Variants in COL7A1 observed in about 807,000 individuals in gnomAD.
COL7A1 encodes collagen alpha-1(VII) chain.
In COL7A1, 296 loss-of-function variants were observed where a neutral mutation model predicts 456.2. The observed-to-expected ratio is 0.65, with a 90% CI of 0.59 to 0.71. The LOEUF (loss-of-function observed/expected upper bound fraction) is 0.71, where lower values mean the gene tolerates loss of function less well. Ranked by LOEUF, COL7A1 falls within the 30% of genes least tolerant of loss-of-function variation. COL7A1 has a pLI of 0.00. For missense variants in COL7A1, 3,441 were observed against 4,017.2 expected (o/e 0.86, Z 3.88); for synonymous variants, 1,464 against 1,525.9 (o/e 0.96, Z 0.95).
chr3:48,575,848 C>T lies in COL7A1; in HGVS notation c.5856+19G>A. The T allele has an allele frequency of 1.2e-6, 2 of 1,614,144 alleles. No homozygotes were observed. The highest frequency in any genetic ancestry group is 8.5e-7 in the Non-Finnish European group (1 of 1,180,024). Reference sequence around the variant, plus strand: ...AAGGGCCCCCACTTGTCCCTACCCCCAGCCCCTAAACAACCCACCTTGATG... The same window carrying T: ...AAGGGCCCCCACTTGTCCCTACCCCTAGCCCCTAAACAACCCACCTTGATG... On this transcript the variant is annotated intron_variant, in intron 72 of 118. Coordinates refer to ENST00000681320, the MANE Select transcript of COL7A1 (RefSeq NM_000094.4). This position sits in a 1 kb window ranked among gnomAD's most constrained non-coding sequence, Gnocchi z 6.3.
rs786204774 is a variant in COL7A1, at chr3:48,569,724, C to A, written c.7557+1G>T. The A allele has an allele frequency of 1.9e-6, 3 of 1,614,172 alleles. No homozygotes were observed. Among genetic ancestry groups the A allele is most frequent in the Non-Finnish European group, 1.7e-6 (2 of 1,180,010 alleles). Reference sequence around the variant, plus strand: ...CCTGCCCTCCCCATGCCCACACTCACCTTGTCACCCTTTAGTCCTGCACTC... The same window carrying A: ...CCTGCCCTCCCCATGCCCACACTCAACTTGTCACCCTTTAGTCCTGCACTC... On this transcript the variant is annotated splice_donor_variant, in intron 101 of 118. Coordinates refer to ENST00000681320, the MANE Select transcript of COL7A1 (RefSeq NM_000094.4). LOFTEE classifies it high-confidence loss of function. This position sits in a 1 kb window ranked among gnomAD's most constrained non-coding sequence, Gnocchi z 4.9.
chr3:48,579,890 G>A lies in COL7A1; in HGVS notation c.5125-76C>T. 1 of 1,610,300 alleles carries A rather than the reference G, an allele frequency of 6.2e-7. No individual in the cohort carries two copies. Among genetic ancestry groups the A allele is most frequent in the Non-Finnish European group, 8.5e-7 (1 of 1,176,728 alleles). ...GTTGGCGAGGGGATACAGGGTCTGT[G>A]AGGGGCTCCAGGGATCCGCGGAGGT... is the stretch of plus-strand genomic sequence containing the variant. On this transcript the variant is annotated intron_variant, in intron 57 of 118. Transcript: ENST00000681320. This position sits in a 1 kb window ranked among gnomAD's most constrained non-coding sequence, Gnocchi z 4.4.
chr3:48,576,914 C>T lies in COL7A1; in HGVS notation c.5574G>A (p.Glu1858=), dbSNP rs2044350122. ...TCCCAGAGGCGCCTGAATCTCCTTT[C>T]TCTCCCTAAGGAAGACAAGGATGCT... The part of the protein sequence containing the change: ...GDPGEDGRKG[E]KGDSGASGRE... The change falls in exon 67 of 119, where the codon GAG becomes GAA. Residue 1858 remains glutamate (E), a synonymous_variant. Transcript: ENST00000681320. The T allele has an allele frequency of 1.2e-6, 2 of 1,613,952 alleles. No homozygotes were observed. The highest frequency in any genetic ancestry group is 2.2e-5 in the South Asian group (2 of 91,090).
At position 48,579,565 on chromosome 3, in the gene COL7A1, C is replaced by A. The variant is rs756819881; in HGVS notation, c.5235+23G>T. On this transcript the variant is annotated intron_variant, in intron 59 of 118. Coordinates refer to ENST00000681320, the MANE Select transcript of COL7A1 (RefSeq NM_000094.4). The surrounding 1 kb of genome is among the most constrained non-coding windows in gnomAD (Gnocchi z 4.4). The stretch of plus-strand genomic sequence containing the variant: ...AGAGCAGGCCCTCCCATGCCTGCAC[C>A]CCCGAGGACCAATCACACTCACCCT... The A allele has an allele frequency of 3.1e-6, 5 of 1,613,734 alleles. No homozygotes were observed. In the Admixed American group the frequency reaches 6.7e-5, roughly 22 times the overall value.
Position 48,588,886 on chromosome 3 carries a change from G to A in COL7A1, c.2424C>T (p.Ala808=). 1.2e-6 allele frequency: 2 copies of A among 1,613,700 alleles called. No individual in the cohort carries two copies. Among genetic ancestry groups the A allele is most frequent in the Non-Finnish European group, 1.7e-6 (2 of 1,180,038 alleles). ...GVTGATAYRL[A]WGRSEGGPMR... ...GAGCCATACCTTCACTCCGGCCCCA[G>A]GCCAGTCTGTAAGCTGTGGCTCCAG... Residue 808 remains alanine (A), a synonymous_variant, in exon 19 of 119, where the codon GCC becomes GCT. Transcript: ENST00000681320. The surrounding 1 kb of genome is among the most constrained non-coding windows in gnomAD (Gnocchi z 4.6).
Position 48,566,128 on chromosome 3 carries a change from C to A in COL7A1, c.8407+139G>T. The A allele has an allele frequency of 1.1e-6, 1 of 911,646 alleles. No individual in the cohort carries two copies. The highest frequency in any genetic ancestry group is 1.7e-6 in the Non-Finnish European group (1 of 574,200). 56.5% of individuals were successfully genotyped at this position (911,646 alleles called of 1,614,324 possible). On this transcript the variant is annotated intron_variant, in intron 114 of 118. Transcript: ENST00000681320. This position sits in a 1 kb window ranked among gnomAD's most constrained non-coding sequence, Gnocchi z 5.9. ...TGGGGACACATGTCATGTGTCAGTC[C>A]TGCAGCACATGTGTCCTTCTGTGTA...
At position 48,584,742 on chromosome 3, in the gene COL7A1, C is replaced by T. The variant is rs121912833; in HGVS notation, c.4039G>A (p.Gly1347Arg). 1 of 1,613,896 alleles carries T rather than the reference C, an allele frequency of 6.2e-7. No homozygotes were observed. Among genetic ancestry groups the T allele is most frequent in the African/African-American group, 1.3e-5 (1 of 74,918 alleles). The change falls in exon 35 of 119, where the codon GGG becomes AGG. Residue 1347 changes from glycine (G) to arginine (R), a missense_variant. This residue lies in a region of COL7A1 where 2,084 missense variants were observed against 2,501.3 expected (regional missense o/e 0.83). Coordinates refer to ENST00000681320, the MANE Select transcript of COL7A1 (RefSeq NM_000094.4). The part of the protein sequence containing the change: ...PGERGPRGPK[G>R]EPGAPGQVIG... The stretch of plus-strand genomic sequence containing the variant: ...CTTCCCCCTTCACCTACCGGCTCCC[C>T]CTTTGGGCCTCGAGGTCCTCGCTCT...
chr3:48,575,926 G>C lies in COL7A1; in HGVS notation c.5821-24C>G. The C allele has an allele frequency of 6.2e-7, 1 of 1,614,122 alleles. No individual in the cohort carries two copies. The highest frequency in any genetic ancestry group is 8.5e-7 in the Non-Finnish European group (1 of 1,180,016). ...TTCTGGGGACAAAGTCTGGGTGAAG[G>C]GCTGCCCATGACAGAGAAGCTCCTG... On this transcript the variant is annotated intron_variant, in intron 71 of 118. Coordinates refer to ENST00000681320, the MANE Select transcript of COL7A1 (RefSeq NM_000094.4). The surrounding 1 kb of genome is among the most constrained non-coding windows in gnomAD (Gnocchi z 6.3).
At position 48,594,386 on chromosome 3, in the gene COL7A1, T is replaced by C; in HGVS notation, c.248A>G (p.Gln83Arg). 6.2e-7 allele frequency: 1 copy of C among 1,611,128 alleles called. No homozygotes were observed. Among genetic ancestry groups the C allele is most frequent in the African/African-American group, 1.3e-5 (1 of 74,994 alleles). ...SAQGVRFATV[Q>R]YSDDPRTEFG... ...TACTCACCGTGGGTCATCGCTGTAC[T>C]GCACTGTGGCAAAGCGCACACCCTG... is the stretch of plus-strand genomic sequence containing the variant. The change falls in exon 3 of 119, where the codon CAG (glutamine) becomes CGG (arginine). Residue 83 changes from glutamine (Q) to arginine (R), a missense_variant. Coordinates refer to ENST00000681320, the MANE Select transcript of COL7A1 (RefSeq NM_000094.4). This position sits in a 1 kb window ranked among gnomAD's most constrained non-coding sequence, Gnocchi z 5.5.
In COL7A1 at chr3:48,585,186, C is replaced by T. The variant is rs74773596; in HGVS notation, c.3895-70G>A. ...GGCCCCTGGTTTGCTGGAGGGGCCT[C>T]ACCCCATCAACAAGGGGTCGCCTAC... On this transcript the variant is annotated intron_variant, in intron 32 of 118. Transcript: ENST00000681320. The surrounding 1 kb of genome is among the most constrained non-coding windows in gnomAD (Gnocchi z 4.5). 6.3e-5 allele frequency: 94 copies of T among 1,496,308 alleles called. No individual in the cohort carries two copies. In the East Asian group the frequency reaches 2.2e-3, roughly 34 times the overall value. The allele number at this position is 1,496,308 out of a possible 1,614,324, so 92.7% of individuals were successfully genotyped here. A position where few individuals can be genotyped will look rare whatever the true frequency, so the allele number is the denominator to read the frequency against.
rs1575416029 is a variant in COL7A1, at chr3:48,565,787, G to A, written c.8408-119C>T. ...ATACACAAAGAGATAGCAGGAGAGG[G>A]TAACAGGAGAGAGAGGAAGAGAGAG... On this transcript the variant is annotated intron_variant, in intron 114 of 118. Coordinates refer to ENST00000681320, the MANE Select transcript of COL7A1 (RefSeq NM_000094.4). The surrounding 1 kb of genome is among the most constrained non-coding windows in gnomAD (Gnocchi z 4.5). The A allele has an allele frequency of 3.1e-6, 3 of 955,084 alleles. No individual in the cohort carries two copies. The South Asian group carries it at 4.2e-5, about 13-fold the overall frequency. 59.2% of individuals were successfully genotyped at this position (955,084 alleles called of 1,614,324 possible). A position where few individuals can be genotyped will look rare whatever the true frequency, so the allele number is the denominator to read the frequency against.
chr3:48,591,494 G>A lies in COL7A1; in HGVS notation c.1606C>T (p.Gln536Ter), dbSNP rs1262051629. Residue 536 changes from glutamine (Q) to a stop codon, truncating the protein, a stop_gained, in exon 13 of 119, where the codon CAG becomes TAG. Transcript: ENST00000681320. LOFTEE classifies it high-confidence loss of function. The surrounding 1 kb of genome is among the most constrained non-coding windows in gnomAD (Gnocchi z 7.0). ...GTGCTGCGCACAATGATGCGGTACTGGGTGGCACCAGGGACTGGGCTCCAG... is the reference window on the plus strand; with the variant it reads ...GTGCTGCGCACAATGATGCGGTACTAGGTGGCACCAGGGACTGGGCTCCAG... Reference protein sequence around the residue: ...VSWSPVPGATQYRIIVRSTQG... With the variant: ...VSWSPVPGAT 6.2e-7 allele frequency: 1 copy of A among 1,614,016 alleles called. No individual in the cohort carries two copies. Among genetic ancestry groups the A allele is most frequent in the Admixed American group, 1.7e-5 (1 of 60,020 alleles).
In COL7A1 at chr3:48,566,507, C is replaced by T. The variant is rs1485134341; in HGVS notation, c.8358+3G>A. 2.5e-6 allele frequency: 4 copies of T among 1,613,832 alleles called. No homozygotes were observed. The highest frequency in any genetic ancestry group is 3.3e-5 in the Admixed American group (2 of 60,020). On this transcript the variant is annotated splice_donor_region_variant and intron_variant, in intron 113 of 118. Coordinates refer to ENST00000681320, the MANE Select transcript of COL7A1 (RefSeq NM_000094.4). This position sits in a 1 kb window ranked among gnomAD's most constrained non-coding sequence, Gnocchi z 5.9. ...TCCCAGGCCCATCCAGGCCCACACT[C>T]ACCGTCAGTGCAGCTTCTCCCTTCT...
rs780472824 is a variant in COL7A1 at position 48,572,518 on chromosome 3, T to C, written c.6921A>G (p.Gly2307=). The change falls in exon 89 of 119, where the codon GGA becomes GGG. Residue 2307 remains glycine, a synonymous_variant. Transcript: ENST00000681320. The surrounding 1 kb of genome is among the most constrained non-coding windows in gnomAD (Gnocchi z 4.6). ...ACACACTCACCTTCTCTCCCTTTGC[T>C]CCAGGGAGCCCGACCACAGCCTGTG... The part of the protein sequence containing the change: ...APGQAVVGLP[G]AKGEKGAPGG... The C allele has an allele frequency of 6.2e-7, 1 of 1,613,134 alleles. No homozygotes were observed. Among genetic ancestry groups the C allele is most frequent in the Non-Finnish European group, 8.5e-7 (1 of 1,179,784 alleles).
In COL7A1 at chr3:48,580,194, C is replaced by G; in HGVS notation, c.5097+106G>C. 2 of 1,540,892 alleles carry G rather than the reference C, an allele frequency of 1.3e-6. No individual in the cohort carries two copies. Among genetic ancestry groups the G allele is most frequent in the African/African-American group, 1.4e-5 (1 of 73,228 alleles). On this transcript the variant is annotated intron_variant, in intron 56 of 118. Coordinates refer to ENST00000681320, the MANE Select transcript of COL7A1 (RefSeq NM_000094.4). This position sits in a 1 kb window ranked among gnomAD's most constrained non-coding sequence, Gnocchi z 4.5. ...GCCCCCAGCAGGCATGGGTGGCCAT[C>G]CATGCTTCCCACCTGGACCTCCAGA...
rs1435271519 is a variant in COL7A1 at position 48,578,934 on chromosome 3, C to T, written c.5409G>A (p.Gly1803=). Residue 1803 remains glycine (G), a synonymous_variant, in exon 63 of 119, where the codon GGG becomes GGA. Transcript: ENST00000681320. The surrounding 1 kb of genome is among the most constrained non-coding windows in gnomAD (Gnocchi z 4.7). The stretch of plus-strand genomic sequence containing the variant: ...CCTCACTTACGTCTCTCCCTGGGTC[C>T]CCAGCTTTGCCTGCAGCACCCTGAG... ...SGPNGAAGKA[G]DPGRDGLPGL... 3 of 1,614,010 alleles carry T rather than the reference C, an allele frequency of 1.9e-6. No homozygotes were observed. Among genetic ancestry groups the T allele is most frequent in the Non-Finnish European group, 2.5e-6 (3 of 1,179,976 alleles).
intron 44 of COL7A1, 53 bp from the exon 45 acceptor site, chr3:48,582,706 G>T: frequency 2.5e-6 from 4 of 1,592,134 alleles, no homozygotes; most frequent in Non-Finnish European, 3.4e-6. Flanking sequence ...GGGGGATATG[G>T]ACAGACAGGG....
rs372533402 is a variant in COL7A1, at chr3:48,572,995, C to A, written c.6750+26G>T. ...GCCTGTCGACCCTTGACCCCTGGAGCCCAACCCTTGACCCCCAGAACTCAC... is the reference window on the plus strand; with the variant it reads ...GCCTGTCGACCCTTGACCCCTGGAGACCAACCCTTGACCCCCAGAACTCAC... On this transcript the variant is annotated intron_variant, in intron 86 of 118. Coordinates refer to ENST00000681320, the MANE Select transcript of COL7A1 (RefSeq NM_000094.4). The surrounding 1 kb of genome is among the most constrained non-coding windows in gnomAD (Gnocchi z 4.6). 29 of 1,613,928 alleles carry A rather than the reference C, an allele frequency of 1.8e-5. No individual in the cohort carries two copies. Among genetic ancestry groups the A allele is most frequent in the African/African-American group, 2.7e-5 (2 of 74,918 alleles).
Position 48,571,108 on chromosome 3 carries a change from C to T in COL7A1, c.7157G>A (p.Gly2386Asp). The T allele has an allele frequency of 6.2e-7, 1 of 1,613,994 alleles. No homozygotes were observed. The highest frequency in any genetic ancestry group is 8.5e-7 in the Non-Finnish European group (1 of 1,179,986). ...PGSPGPPGPP[G>D]VKGDLGLPGL... ...GATGGGGCATTGACTTACCTTCACACCTGGAGGGCCAGGAGGCCCAGGGGA... is the reference window on the plus strand; with the variant it reads ...GATGGGGCATTGACTTACCTTCACATCTGGAGGGCCAGGAGGCCCAGGGGA... Residue 2386 changes from glycine (G) to aspartate (D), a missense_variant, in exon 94 of 119, where the codon GGT (glycine) becomes GAT (aspartate). By Grantham distance (94) the Gly-to-Asp change is moderately conservative (BLOSUM62 -1). Coordinates refer to ENST00000681320, the MANE Select transcript of COL7A1 (RefSeq NM_000094.4). This position sits in a 1 kb window ranked among gnomAD's most constrained non-coding sequence, Gnocchi z 4.6.
Sources: gnomAD v4.1 joint callset for allele counts on GRCh38, gnomAD v4.1.1 for gene constraint, gnomAD v4.1.1 regional missense constraint, Gnocchi (gnomAD v3.1) non-coding constraint, MANE v1.5 for transcripts, NCBI Gene and HGNC (gene_info 2026-07-23, HGNC 2026-07-21) for gene names.